The following SPINK8 variants were observed in gnomAD, a reference collection of about 807,000 sequenced individuals.
The protein encoded by SPINK8 is serine peptidase inhibitor Kazal type 8 (putative), also known as serine protease inhibitor Kazal-type 8.
In SPINK8, 12 loss-of-function variants were observed where a neutral mutation model predicts 14.4. That is an observed-to-expected ratio of 0.83 (90% confidence interval 0.53 to 1.35). SPINK8 has a LOEUF of 1.35. SPINK8 is among the 40% of genes most tolerant of loss of function. The probability of loss-of-function intolerance (pLI) is 0.00; values close to 1 mark genes in which losing one functional copy is unlikely to be tolerated. For missense variants in SPINK8, 103 were observed against 117.0 expected (o/e 0.88, Z 0.55); for synonymous variants, 32 against 37.6 (o/e 0.85, Z 0.55).
intron 7 of SPINK8, among the ~76,000 whole-genome samples, chr3:48,308,111 C>A (rs2035874320): frequency 6.6e-6 from 1 of 151,516 alleles, no homozygotes; most frequent in South Asian, 2.1e-4. Context: ...GTAGCTGGGA[C>A]TACAGGCGCC....
intron 6 of SPINK8, among the ~76,000 whole-genome samples, chr3:48,312,821 A>AC (rs1227266940): frequency 6.6e-6 from 1 of 151,956 alleles, no homozygotes; most frequent in East Asian, 1.9e-4. Flanking sequence ...GCATGGTGAA[A>AC]CCCCGTCTCC....
chr3:48,313,546 A>G (rs2035950396), intron 6 of SPINK8, among the ~76,000 whole-genome samples: 1 of 152,218 alleles, frequency 6.6e-6, no homozygotes, highest in Non-Finnish European at 1.5e-5. Flanking sequence ...CCCCTATAGA[A>G]AAGTTTGATG....
At chr3:48,311,286 C>T (rs1439623012) in intron 6 of SPINK8, among the ~76,000 whole-genome samples, 2 of 152,138 alleles carry the variant, frequency 1.3e-5, no homozygotes, top group Admixed American at 1.3e-4. Flanking sequence ...TAGCTAATAT[C>T]GTACTCAATG....
chr3:48,326,717 T>G (rs1262715849), intron 4 of SPINK8, among the ~76,000 whole-genome samples: 2 of 152,104 alleles, frequency 1.3e-5, no homozygotes, highest in Non-Finnish European at 2.9e-5. Flanking sequence ...GAGACCACCC[T>G]GGCCAACATA....
chr3:48,331,590 C>T (rs2036262140), intron 2 of SPINK8, among the ~76,000 whole-genome samples: 1 of 152,224 alleles, frequency 6.6e-6, no homozygotes, highest in Non-Finnish European at 1.5e-5. Context: ...GGTAAGCATA[C>T]TTAGAGTCTG....
At chr3:48,321,858 G>A (rs1010546001) in intron 4 of SPINK8, among the ~76,000 whole-genome samples, 12 of 151,572 alleles carry the variant, frequency 7.9e-5, no homozygotes, top group African/African-American at 2.7e-4. Context: ...TGTCACCCAG[G>A]CTGGAGTGCA....
At chr3:48,320,978 G>A in intron 5 of SPINK8, 47 bp downstream of exon 5, 2 of 1,557,158 alleles carry the variant, frequency 1.3e-6, no homozygotes, top group Admixed American at 1.9e-5. Context: ...GGGCAAACTG[G>A]CTCTCTCCCC....
rs2036067574 is a variant in SPINK8, at chr3:48,321,072, A to C, written c.70T>G (p.Phe24Val). 1 of 1,579,678 alleles carries C rather than the reference A, an allele frequency of 6.3e-7. No individual in the cohort carries two copies. The highest frequency in any genetic ancestry group is 8.6e-7 in the Non-Finnish European group (1 of 1,161,308). Residue 24 changes from phenylalanine (F) to valine (V), a missense_variant and splice_region_variant, in exon 5 of 8, where the codon TTC becomes GTC. Transcript: ENST00000434006. Reference sequence around the variant, plus strand: ...CTTTCAGAGGCCATAGGAAGGGGGAAGTCTGGAAGACAAAAGCACATACAG... The same window carrying C: ...CTTTCAGAGGCCATAGGAAGGGGGACGTCTGGAAGACAAAAGCACATACAG... ...TSMWMAFAID[F>V]PLPMASERGQ...
rs552299000 is a variant in SPINK8 at position 48,332,190 on chromosome 3, C to T, written c.-136+176G>A. Among the ~76,000 whole-genome samples the T allele has an allele frequency of 3.3e-5, 5 of 152,334 alleles. No homozygotes were observed. The East Asian group carries it at 9.6e-4, about 29-fold the overall frequency. ...TCCAGAGCCTCCAAAGTCCACTTGC[C>T]TGAAGGCCATGACTAAAGCGGTGGC... On this transcript the variant is annotated intron_variant, in intron 2 of 7. Coordinates refer to ENST00000434006, the MANE Select transcript of SPINK8 (RefSeq NM_001080525.3).
rs528091063 is a variant in SPINK8, at chr3:48,325,352, C to G, written c.67+2923G>C. 2.0e-5 allele frequency among the ~76,000 whole-genome samples: 3 copies of G among 151,286 alleles called. No homozygotes were observed. The South Asian group carries it at 6.3e-4, about 32-fold the overall frequency. On this transcript the variant is annotated intron_variant, in intron 4 of 7. Transcript: ENST00000434006. ...TTTACTTTTTGTTTTGTGTATGTCTCCTTTTTTCTCAAGTCCTCCTTCACT... is the reference window on the plus strand; with the variant it reads ...TTTACTTTTTGTTTTGTGTATGTCTGCTTTTTTCTCAAGTCCTCCTTCACT...
At position 48,314,402 on chromosome 3, in the gene SPINK8, C is replaced by T. The variant is rs547878486; in HGVS notation, c.240-4456G>A. ...CTATTGAAGAAAAATTGCTGCTTCT[C>T]AGTAAGAATAGTGAGTTTCATGGCA... On this transcript the variant is annotated intron_variant, in intron 6 of 7. Coordinates refer to ENST00000434006, the MANE Select transcript of SPINK8 (RefSeq NM_001080525.3). Among the ~76,000 whole-genome samples, 13 of 152,192 alleles carry T rather than the reference C, an allele frequency of 8.5e-5. No homozygotes were observed. The South Asian group carries it at 2.5e-3, about 29-fold the overall frequency.
intron 7 of SPINK8, among the ~76,000 whole-genome samples, chr3:48,309,418 A>G (rs761578234): frequency 3.9e-5 from 6 of 152,234 alleles, no homozygotes; most frequent in Non-Finnish European, 7.3e-5. Context: ...TATCCTAGAT[A>G]TTGGAAATGA....
chr3:48,317,290 A>C (rs2036005834), intron 6 of SPINK8, among the ~76,000 whole-genome samples: 1 of 152,050 alleles, frequency 6.6e-6, no homozygotes, highest in Non-Finnish European at 1.5e-5. Flanking sequence ...GGAGTTTGAG[A>C]CCAGCCTGGC....
chr3:48,330,111 C>T (rs143066183), intron 2 of SPINK8, among the ~76,000 whole-genome samples: 2 of 152,314 alleles, frequency 1.3e-5, no homozygotes, highest in East Asian at 3.8e-4. Flanking sequence ...CTCAGCACTG[C>T]TCTGATCAAC....
At chr3:48,330,385 GGTGC>G (rs2036237553) in intron 2 of SPINK8, among the ~76,000 whole-genome samples, 1 of 152,124 alleles carries the variant, frequency 6.6e-6, no homozygotes, top group Non-Finnish European at 1.5e-5. Context: ...TGGGCGTGGT[GGTGC>G]GTGCCTGTAA....
intron 6 of SPINK8, among the ~76,000 whole-genome samples, chr3:48,317,213 G>A (rs139333408): frequency 1.3e-5 from 2 of 152,334 alleles, no homozygotes; most frequent in African/African-American, 4.8e-5. Context: ...TTTTGGCTGG[G>A]TGTAGTGGCT....
At chr3:48,313,194 A>C (rs1316050892) in intron 6 of SPINK8, among the ~76,000 whole-genome samples, 5 of 152,314 alleles carry the variant, frequency 3.3e-5, no homozygotes, top group Admixed American at 2.0e-4. Context: ...CATGAAAGTA[A>C]AAGGCAACCT....
intron 2 of SPINK8, among the ~76,000 whole-genome samples, chr3:48,330,323 G>A (rs982360332): frequency 2.6e-5 from 4 of 152,064 alleles, no homozygotes; most frequent in Non-Finnish European, 4.4e-5. Flanking sequence ...GTTCGAGACC[G>A]GCTTGGCCAA....
At chr3:48,325,428 T>A (rs1201634952) in intron 4 of SPINK8, among the ~76,000 whole-genome samples, 1 of 89,124 alleles carries the variant, frequency 1.1e-5, no homozygotes, top group African/African-American at 3.0e-5. Flanking sequence ...AACGTTGTAA[T>A]TTTTTTTTTT....
Sources: allele counts gnomAD v4.1 joint callset (sites outside exome capture counted in the v4.1 genomes callset), GRCh38; gene constraint gnomAD v4.1.1; transcripts MANE v1.5; gene names NCBI Gene and HGNC (gene_info 2026-07-23, HGNC 2026-07-21).